Variants in TMEM114 observed in about 807,000 individuals in gnomAD.
TMEM114 encodes the protein transmembrane protein 114, also known as claudin-26.
TMEM114 carries 6 observed loss-of-function variants against 6.2 expected under a neutral mutation model. The ratio of observed to expected loss-of-function variants is 0.97; its 90% CI spans 0.53 to 1.91. The LOEUF is 1.91. Ranked by LOEUF, TMEM114 falls within the 40% of genes most tolerant of loss-of-function variation. TMEM114 has a pLI of 0.01. For synonymous variants in TMEM114, 104 were observed against 73.0 expected, an observed-to-expected ratio of 1.42 and a Z score of -2.16; for missense variants, 218 against 158.3, an observed-to-expected ratio of 1.38 and a Z score of -2.02.
At chr16:8,580,370 C>G (rs1231651552) in intron 2 of TMEM114, among the ~76,000 whole-genome samples, 1 of 151,920 alleles carries the variant, frequency 6.6e-6, no homozygotes, top group East Asian at 1.9e-4. Context: ...ACCTCTAATC[C>G]CAGCTACTCG....
intron 2 of TMEM114, among the ~76,000 whole-genome samples, chr16:8,575,876 T>G (rs1305465167): frequency 6.6e-6 from 1 of 152,202 alleles, no homozygotes; most frequent in Non-Finnish European, 1.5e-5. Context: ...GGAAAGCCTG[T>G]TACAACCAAA....
intron 2 of TMEM114, among the ~76,000 whole-genome samples, chr16:8,587,220 T>C (rs1486842938): frequency 6.6e-6 from 1 of 152,192 alleles, no homozygotes; most frequent in African/African-American, 2.4e-5. Context: ...TAAACCCATA[T>C]ATTCATACAA....
At chr16:8,546,106 C>T (rs1465027597) in intron 2 of TMEM114, among the ~76,000 whole-genome samples, 2 of 151,872 alleles carry the variant, frequency 1.3e-5, no homozygotes, top group Non-Finnish European at 2.9e-5. Flanking sequence ...AGAGCAAGAC[C>T]GTGTCTCAAA....
At chr16:8,563,704 A>G (rs1331308864) in intron 2 of TMEM114, among the ~76,000 whole-genome samples, 6 of 148,834 alleles carry the variant, frequency 4.0e-5, no homozygotes, top group African/African-American at 1.0e-4. Flanking sequence ...TGAGTTAGTG[A>G]ATGAGTGAGT....
At chr16:8,563,049 T>TGAG (rs1901332019) in intron 2 of TMEM114, among the ~76,000 whole-genome samples, 1 of 75,394 alleles carries the variant, frequency 1.3e-5, no homozygotes, top group African/African-American at 5.2e-5. Context: ...AATGAGTAAA[T>TGAG]TGAGTGAATG....
At chr16:8,575,734 C>G (rs1385093692) in intron 2 of TMEM114, among the ~76,000 whole-genome samples, 1 of 152,196 alleles carries the variant, frequency 6.6e-6, no homozygotes, top group East Asian at 1.9e-4. Flanking sequence ...GTAAAATGGA[C>G]AAACTTCTTA....
At chr16:8,556,495 CGTT>C (rs145389529) in intron 2 of TMEM114, among the ~76,000 whole-genome samples, 7 of 151,768 alleles carry the variant, frequency 4.6e-5, no homozygotes, top group African/African-American at 7.3e-5. Flanking sequence ...CTTTATTTGT[CGTT>C]GTTGTTGTTG....
intron 2 of TMEM114, among the ~76,000 whole-genome samples, chr16:8,540,715 T>A (rs1900493452): frequency 6.6e-6 from 1 of 152,176 alleles, no homozygotes; most frequent in Non-Finnish European, 1.5e-5. Flanking sequence ...CAGACATAGT[T>A]CCTATCTTCT....
At chr16:8,575,639 T>C (rs1901895258) in intron 2 of TMEM114, among the ~76,000 whole-genome samples, 1 of 152,198 alleles carries the variant, frequency 6.6e-6, no homozygotes, top group Admixed American at 6.5e-5. Flanking sequence ...CAAGTTACTT[T>C]ATAACCTTCA....
At chr16:8,529,975 C>T in the TMEM114 span, among the ~76,000 whole-genome samples, 32 of 152,272 alleles carry the variant, frequency 2.1e-4, no homozygotes, top group Admixed American at 4.6e-4. Flanking sequence ...CAGGTAGTTC[C>T]TTCTTTGACT....
At chr16:8,583,410 T>A (rs1374770556) in intron 2 of TMEM114, among the ~76,000 whole-genome samples, 1 of 152,114 alleles carries the variant, frequency 6.6e-6, no homozygotes, top group African/African-American at 2.4e-5. Flanking sequence ...TCTCATTTCA[T>A]CTTAGAACAG....
chr16:8,587,426 C>T (rs886436818), intron 2 of TMEM114, among the ~76,000 whole-genome samples: 38 of 152,244 alleles, frequency 2.5e-4, no homozygotes, highest in East Asian at 9.6e-4. Flanking sequence ...GATTTAAACC[C>T]CACCCCACAA....
At chr16:8,548,264 T>C (rs1217549097) in intron 2 of TMEM114, among the ~76,000 whole-genome samples, 2 of 152,184 alleles carry the variant, frequency 1.3e-5, no homozygotes, top group East Asian at 1.9e-4. Flanking sequence ...TTCCTGCCTC[T>C]CAGGGTTGCT....
chr16:8,537,767 A>G (rs1411103127), exon 3 of TMEM114: 2 of 152,182 alleles, frequency 1.3e-5, no homozygotes, highest in African/African-American at 4.8e-5. Context: ...GAAGTTTTCC[A>G]TTCTATTGAT....
chr16:8,535,682 C>G (rs1287355916), downstream of TMEM114, among the ~76,000 whole-genome samples: 1 of 152,118 alleles, frequency 6.6e-6, no homozygotes, highest in Non-Finnish European at 1.5e-5. Context: ...TGCAGCAAAT[C>G]CTTCGTCGTG....
intron 2 of TMEM114, among the ~76,000 whole-genome samples, chr16:8,578,332 C>T (rs572411490): frequency 1.3e-5 from 2 of 152,238 alleles, no homozygotes; most frequent in African/African-American, 2.4e-5. Context: ...TCCTTCCCCG[C>T]CTCTCTTATG....
At chr16:8,552,506 C>G (rs1900877544) in intron 2 of TMEM114, among the ~76,000 whole-genome samples, 3 of 135,434 alleles carry the variant, frequency 2.2e-5, no homozygotes, top group South Asian at 5.0e-4. Flanking sequence ...TTGCACAAAA[C>G]TGCACACACA....
chr16:8,579,603 A>C (rs1428993591), intron 2 of TMEM114, among the ~76,000 whole-genome samples: 3 of 152,130 alleles, frequency 2.0e-5, no homozygotes, highest in African/African-American at 7.2e-5. Flanking sequence ...CCTCTTACCC[A>C]AGCAAACCAC....
the TMEM114 span, among the ~76,000 whole-genome samples, chr16:8,530,431 G>C: frequency 6.6e-6 from 1 of 152,078 alleles, no homozygotes; most frequent in African/African-American, 2.4e-5. Context: ...AACTCTTTCA[G>C]CTCCCATAAT....
Sources: gnomAD v4.1 joint callset for allele counts (sites outside exome capture counted in the v4.1 genomes callset) on GRCh38, gnomAD v4.1.1 for gene constraint, MANE v1.5 for transcripts, NCBI Gene and HGNC (gene_info 2026-07-23, HGNC 2026-07-21) for gene names.